Variants in COL11A1 observed in about 807,000 individuals in gnomAD.
The protein encoded by COL11A1 is collagen type XI alpha 1 chain, also known as collagen alpha-1(XI) chain.
In COL11A1, 74 loss-of-function variants were observed where a neutral mutation model predicts 265.2. That is an observed-to-expected ratio of 0.28 (90% CI 0.23 to 0.34). The LOEUF (loss-of-function observed/expected upper bound fraction) is 0.34, where lower values mean the gene tolerates loss of function less well. Among genes scored for constraint, COL11A1 ranks in the 10% least tolerant of loss-of-function variants. The probability of loss-of-function intolerance (pLI) is 1.00; values close to 1 mark genes in which losing one functional copy is unlikely to be tolerated. For synonymous variants in COL11A1, 816 were observed against 727.6 expected (o/e 1.12, Z -1.96); for missense variants, 2,165 against 2,263.6 (o/e 0.96, Z 0.88).
chr1:102,952,521 A>G (rs1426521241), intron 41 of COL11A1, among the ~76,000 whole-genome samples: 2 of 152,182 alleles, frequency 1.3e-5, no homozygotes, highest in Non-Finnish European at 2.9e-5. Context: ...TAGTGTAGAG[A>G]ATATATTACT....
chr1:102,964,461 A>G (rs1212020861), intron 38 of COL11A1, among the ~76,000 whole-genome samples: 1 of 152,184 alleles, frequency 6.6e-6, no homozygotes, highest in Non-Finnish European at 1.5e-5. Context: ...ATAAAATAAC[A>G]TCGTATTTCC....
chr1:103,095,779 CA>C (rs147014925), intron 1 of COL11A1, among the ~76,000 whole-genome samples: 39 of 144,418 alleles, frequency 2.7e-4, no homozygotes, highest in Middle Eastern at 3.6e-3. Flanking sequence ...GGAAAGTTAA[CA>C]AAAAAAAAAG....
intron 54 of COL11A1, among the ~76,000 whole-genome samples, chr1:102,907,025 G>A (rs894203020): frequency 1.3e-5 from 2 of 151,956 alleles, no homozygotes; most frequent in African/African-American, 4.8e-5. Flanking sequence ...TGTGTTAAAT[G>A]GTTTTCAGTT....
chr1:102,906,883 A>G (rs1159694470), intron 54 of COL11A1, among the ~76,000 whole-genome samples: 1 of 152,128 alleles, frequency 6.6e-6, no homozygotes, highest in South Asian at 2.1e-4. Context: ...GATTGTTGAC[A>G]TAAGAGTAAT....
intron 2 of COL11A1, among the ~76,000 whole-genome samples, chr1:103,081,220 AT>A (rs1672387187): frequency 6.6e-6 from 1 of 151,884 alleles, no homozygotes; most frequent in African/African-American, 2.4e-5. Flanking sequence ...CCACATTGGA[AT>A]GCAGAACACA....
At chr1:102,984,776 A>G (rs932621705) in intron 30 of COL11A1, among the ~76,000 whole-genome samples, 1 of 152,036 alleles carries the variant, frequency 6.6e-6, no homozygotes, top group African/African-American at 2.4e-5. Flanking sequence ...GGACTAATAA[A>G]TATAATATGT....
intron 4 of COL11A1, among the ~76,000 whole-genome samples, chr1:103,048,132 A>G (rs1358411272): frequency 2.6e-5 from 4 of 152,220 alleles, no homozygotes; most frequent in Non-Finnish European, 5.9e-5. Flanking sequence ...TGAGTTAGGG[A>G]GGATTCCCTC....
chr1:102,980,529 A>G (rs1662936554), intron 31 of COL11A1, among the ~76,000 whole-genome samples: 1 of 152,134 alleles, frequency 6.6e-6, no homozygotes, highest in South Asian at 2.1e-4. Flanking sequence ...AGATCACTGT[A>G]TGGATTAAGT....
chr1:103,066,555 C>CA (rs35403453), intron 4 of COL11A1, among the ~76,000 whole-genome samples: 2,211 of 106,176 alleles, frequency 0.021, 22 homozygotes, highest in African/African-American at 0.038. Context: ...CCCTCAGCAC[C>CA]AAAAAAAAAA....
In COL11A1 at chr1:103,021,784, A is replaced by G; in HGVS notation, c.1246-15T>C. 6.4e-7 allele frequency: 1 copy of G among 1,568,234 alleles called. No homozygotes were observed. The highest frequency in any genetic ancestry group is 8.8e-7 in the Non-Finnish European group (1 of 1,138,430). On this transcript the variant is annotated splice_polypyrimidine_tract_variant and intron_variant, in intron 8 of 66. Transcript: ENST00000370096. The stretch of plus-strand genomic sequence containing the variant: ...TGGCCATTTATCTGTTGAATGAAAT[A>G]TTCAAAACAGCCTAAATGTCTGTAA...
intron 28 of COL11A1, among the ~76,000 whole-genome samples, chr1:102,994,228 G>T (rs1664407161): frequency 6.6e-6 from 1 of 151,964 alleles, no homozygotes; most frequent in Non-Finnish European, 1.5e-5. Context: ...GATATAATTT[G>T]GATATTTACC....
chr1:102,979,235 G>T, intron 32 of COL11A1, 131 bp from the exon 33 acceptor site: 4 of 1,237,956 alleles, frequency 3.2e-6, no homozygotes, highest in Non-Finnish European at 3.5e-6. Context: ...AGACAGACTT[G>T]CTATGCTGCC....
chr1:103,022,596 A>G, intron 8 of COL11A1, 146 bp downstream of exon 8: 1 of 845,008 alleles, frequency 1.2e-6, no homozygotes, highest in South Asian at 1.6e-5. Context: ...AGAATCTAAC[A>G]AGGTGTCCTA....
intron 36 of COL11A1, among the ~76,000 whole-genome samples, chr1:102,973,240 CCTT>C (rs1662141818): frequency 6.6e-6 from 1 of 152,098 alleles, no homozygotes; most frequent in Non-Finnish European, 1.5e-5. Context: ...AAGAAATACT[CCTT>C]CTTGTCTCTC....
At chr1:103,045,199 G>A (rs1326870194) in intron 4 of COL11A1, among the ~76,000 whole-genome samples, 2 of 152,104 alleles carry the variant, frequency 1.3e-5, no homozygotes, top group African/African-American at 4.8e-5. Context: ...AGAGGGTGTG[G>A]TATGGGTCAC....
chr1:103,039,075 A>G (rs1668606867), intron 4 of COL11A1, among the ~76,000 whole-genome samples: 2 of 152,214 alleles, frequency 1.3e-5, no homozygotes, highest in Non-Finnish European at 2.9e-5. Context: ...AAGTCTAAGA[A>G]GTAGAATAAT....
intron 28 of COL11A1, among the ~76,000 whole-genome samples, chr1:102,989,943 T>A (rs910149773): frequency 4.6e-5 from 7 of 152,078 alleles, no homozygotes; most frequent in African/African-American, 1.7e-4. Context: ...CCCCACACTT[T>A]GGTAGGCGGA....
In COL11A1 at chr1:102,898,928, A is replaced by ATT; in HGVS notation, c.4140+11_4140+12dup. The ATT allele has an allele frequency of 1.0e-5, 13 of 1,254,048 alleles. No homozygotes were observed. The highest frequency in any genetic ancestry group is 2.8e-5 in the East Asian group (1 of 36,330). 77.7% of individuals were successfully genotyped at this position (1,254,048 alleles called of 1,614,324 possible). A position where few individuals can be genotyped will look rare whatever the true frequency, so the allele number is the denominator to read the frequency against. On this transcript the variant is annotated intron_variant, in intron 55 of 66. Coordinates refer to ENST00000370096, the MANE Select transcript of COL11A1 (RefSeq NM_001854.4). ...ATATAATATATATTATGTATATATT[A>ATT]TTTTTTTTTTACCTTAGCACCTTTT...
At chr1:102,926,151 G>A (rs541209856) in intron 46 of COL11A1, among the ~76,000 whole-genome samples, 2 of 152,114 alleles carry the variant, frequency 1.3e-5, no homozygotes, top group Non-Finnish European at 2.9e-5. Flanking sequence ...TACAATTAGT[G>A]GAGACACAAT....
Sources: gnomAD v4.1 joint callset for allele counts (sites outside exome capture counted in the v4.1 genomes callset) on GRCh38, gnomAD v4.1.1 for gene constraint, MANE v1.5 for transcripts, NCBI Gene and HGNC (gene_info 2026-07-23, HGNC 2026-07-21) for gene names.